The following LIMD1 variants were observed in gnomAD, a reference collection of about 807,000 sequenced individuals.
The protein encoded by LIMD1 is LIM domain containing 1.
Under a neutral mutation model 58.4 loss-of-function variants are expected in LIMD1, and 23 were observed. That is an observed-to-expected ratio of 0.39 (90% CI 0.28 to 0.56). The LOEUF is 0.56. Ranked by LOEUF, LIMD1 falls within the 20% of genes least tolerant of loss-of-function variation. LIMD1 has a pLI of 0.57. For missense variants in LIMD1, 838 were observed against 855.5 expected (o/e 0.98, Z 0.25); for synonymous variants, 334 against 345.5 (o/e 0.97, Z 0.37).
Position 45,686,266 on chromosome 3 carries a change from C to T in LIMD1, c.*9207C>T, listed in dbSNP as rs974531543. 1 of 151,826 alleles carries T rather than the reference C, an allele frequency of 6.6e-6. No individual in the cohort carries two copies. Among genetic ancestry groups the T allele is most frequent in the African/African-American group, 2.4e-5 (1 of 41,270 alleles). 9.4% of individuals were successfully genotyped at this position (151,826 alleles called of 1,614,324 possible). A position where few individuals can be genotyped will look rare whatever the true frequency, so the allele number is the denominator to read the frequency against. On this transcript the variant is annotated 3_prime_UTR_variant, in exon 8 of 8. Transcript: ENST00000273317. ...GTATAAAAGAAAATCTAGCCCTTTC[C>T]TCAGGGCTGAGAAAATTTTGAGTGT...
chr3:45,613,204 G>C (rs1701543260), intron 1 of LIMD1, among the ~76,000 whole-genome samples: 1 of 152,208 alleles, frequency 6.6e-6, no homozygotes, highest in Non-Finnish European at 1.5e-5. Flanking sequence ...TGTTGGCTGA[G>C]GGTTCGATGT....
rs1697755816 is a variant in LIMD1, at chr3:45,682,365, C to A, written c.*5306C>A. ...CTTGATATGGAGTGTTTGCTGATAC[C>A]TATGATGTAAATATTCCCGCCATGG... On this transcript the variant is annotated 3_prime_UTR_variant, in exon 8 of 8. Coordinates refer to ENST00000273317, the MANE Select transcript of LIMD1 (RefSeq NM_014240.3). 2.0e-5 allele frequency: 3 copies of A among 152,202 alleles called. No homozygotes were observed. The highest frequency in any genetic ancestry group is 4.4e-5 in the Non-Finnish European group (3 of 68,044). 9.4% of individuals were successfully genotyped at this position (152,202 alleles called of 1,614,324 possible). A position where few individuals can be genotyped will look rare whatever the true frequency, so the allele number is the denominator to read the frequency against.
intron 1 of LIMD1, among the ~76,000 whole-genome samples, chr3:45,610,177 C>G (rs977711640): frequency 6.6e-6 from 1 of 152,168 alleles, no homozygotes; most frequent in Non-Finnish European, 1.5e-5. Context: ...GAGCAAGGCT[C>G]TGTCTCAAGA....
intron 1 of LIMD1, among the ~76,000 whole-genome samples, chr3:45,602,799 G>A (rs9828739): frequency 0.03 from 4,520 of 151,560 alleles, 214 homozygotes; most frequent in African/African-American, 0.1. Flanking sequence ...CCATCTGACA[G>A]TCTGTTGCAC....
chr3:45,620,198 A>G (rs1429913253), intron 1 of LIMD1, among the ~76,000 whole-genome samples: 1 of 152,286 alleles, frequency 6.6e-6, no homozygotes, highest in African/African-American at 2.4e-5. Flanking sequence ...ATCCTGGGAA[A>G]CATGCATGAT....
rs187960217 is a variant in LIMD1, at chr3:45,647,968, C to T, written c.1510+11717C>T. On this transcript the variant is annotated intron_variant, in intron 2 of 7. Coordinates refer to ENST00000273317, the MANE Select transcript of LIMD1 (RefSeq NM_014240.3). Reference sequence around the variant, plus strand: ...ACTCTCCCTTCAGTGTCTTCCATTGCCATCTCCATTGCTACTCTCCTGATC... The same window carrying T: ...ACTCTCCCTTCAGTGTCTTCCATTGTCATCTCCATTGCTACTCTCCTGATC... Among the ~76,000 whole-genome samples, 35 of 152,258 alleles carry T rather than the reference C, an allele frequency of 2.3e-4. 1 individual carries two copies. Among genetic ancestry groups the T allele is most frequent in the Admixed American group, 2.2e-3 (33 of 15,284 alleles).
intron 1 of LIMD1, among the ~76,000 whole-genome samples, chr3:45,599,234 C>G (rs539592097): frequency 1.3e-5 from 2 of 152,032 alleles, no homozygotes; most frequent in East Asian, 1.9e-4. Flanking sequence ...TTAATACATT[C>G]ACAACGTTGT....
rs946959928 is a variant in LIMD1 at position 45,678,839 on chromosome 3, A to G, written c.*1780A>G. On this transcript the variant is annotated 3_prime_UTR_variant, in exon 8 of 8. Transcript: ENST00000273317. ...ATTGGTGCCATGGATTATCTTTTCCATGTTGATGGAATTCATTCTGTTGGA... is the reference window on the plus strand; with the variant it reads ...ATTGGTGCCATGGATTATCTTTTCCGTGTTGATGGAATTCATTCTGTTGGA... 1 of 152,168 alleles carries G rather than the reference A, an allele frequency of 6.6e-6. No homozygotes were observed. The allele number at this position is 152,168 out of a possible 1,614,324, so 9.4% of individuals were successfully genotyped here.
At chr3:45,653,409 A>C (rs1207447162) in intron 2 of LIMD1, among the ~76,000 whole-genome samples, 1 of 152,162 alleles carries the variant, frequency 6.6e-6, no homozygotes, top group African/African-American at 2.4e-5. Context: ...GGGAACCTGA[A>C]GGGTTTGGGT....
Position 45,673,384 on chromosome 3 carries a change from C to G in LIMD1, c.1773-70C>G, listed in dbSNP as rs1184579386. 11 of 1,262,840 alleles carry G rather than the reference C, an allele frequency of 8.7e-6. No individual in the cohort carries two copies. The East Asian group carries it at 2.5e-4, about 29-fold the overall frequency. 78.2% of individuals were successfully genotyped at this position (1,262,840 alleles called of 1,614,324 possible). ...ATGGAGGAAGGCTCCATGTGGATTC[C>G]AAGTGCAAGTCTGACTCTGGAATTT... On this transcript the variant is annotated intron_variant, in intron 5 of 7. Transcript: ENST00000273317.
chr3:45,673,648 C>G (rs1418203745), intron 6 of LIMD1, 143 bp downstream of exon 6: 14 of 736,428 alleles, frequency 1.9e-5, no homozygotes, highest in Non-Finnish European at 2.8e-5. Flanking sequence ...TGCAGTGGCT[C>G]ACGCCTGTAA....
At chr3:45,638,826 A>G (rs1337484302) in intron 2 of LIMD1, among the ~76,000 whole-genome samples, 1 of 152,146 alleles carries the variant, frequency 6.6e-6, no homozygotes, top group Non-Finnish European at 1.5e-5. Context: ...TGACTTTTTA[A>G]TAATGGCCAT....
chr3:45,631,261 T>G lies in LIMD1; in HGVS notation c.1409-4889T>G, dbSNP rs189871313. On this transcript the variant is annotated intron_variant, in intron 1 of 7. Coordinates refer to ENST00000273317, the MANE Select transcript of LIMD1 (RefSeq NM_014240.3). ...AAAAATATCTGTGAGTCCATACTGA[T>G]ATACTGCACTCCAGCCTGGCGACAG... 7.3e-4 allele frequency among the ~76,000 whole-genome samples: 110 copies of G among 151,502 alleles called. 2 individuals carry two copies. The highest frequency in any genetic ancestry group is 2.5e-3 in the African/African-American group (104 of 41,208).
intron 1 of LIMD1, among the ~76,000 whole-genome samples, chr3:45,599,561 G>A (rs1205699488): frequency 6.6e-6 from 1 of 152,230 alleles, no homozygotes; most frequent in Non-Finnish European, 1.5e-5. Context: ...CCCCAGTGGT[G>A]GCATGCTGTT....
At chr3:45,619,940 G>C (rs2125653705) in intron 1 of LIMD1, among the ~76,000 whole-genome samples, 1 of 147,070 alleles carries the variant, frequency 6.8e-6, no homozygotes, top group South Asian at 2.1e-4. Flanking sequence ...CCTTATTTGA[G>C]AGATCAGAGA....
rs995769939 is a variant in LIMD1, at chr3:45,682,815, C to G, written c.*5756C>G. On this transcript the variant is annotated 3_prime_UTR_variant, in exon 8 of 8. Transcript: ENST00000273317. ...AGCCACAGGAGGCTGTGAGGAGAAG[C>G]TCACTGCTGCTCTGTTGAAGTCTGT... 1.3e-5 allele frequency: 2 copies of G among 152,264 alleles called. No individual in the cohort carries two copies. The highest frequency in any genetic ancestry group is 4.8e-5 in the African/African-American group (2 of 41,458). The allele number at this position is 152,264 out of a possible 1,614,324, so 9.4% of individuals were successfully genotyped here. A position where few individuals can be genotyped will look rare whatever the true frequency, so the allele number is the denominator to read the frequency against.
intron 2 of LIMD1, among the ~76,000 whole-genome samples, chr3:45,663,254 C>T (rs1415938905): frequency 1.3e-5 from 2 of 152,166 alleles, no homozygotes; most frequent in East Asian, 1.9e-4. Flanking sequence ...TCCATAACAA[C>T]GTTGCCGTGA....
At chr3:45,654,720 G>T in intron 2 of LIMD1, among the ~76,000 whole-genome samples, 1 of 148,050 alleles carries the variant, frequency 6.8e-6, no homozygotes, top group South Asian at 2.1e-4. Context: ...TGTGTTCCCA[G>T]CTACTCAAGG....
At chr3:45,658,532 A>ATGCTTTTTTTTTTTTTT (rs1553646072) in intron 2 of LIMD1, among the ~76,000 whole-genome samples, 1 of 72,138 alleles carries the variant, frequency 1.4e-5, no homozygotes, top group Non-Finnish European at 3.0e-5. Context: ...CACCATGCAG[A>ATGCTTTTTTTTTTTTTT]TTCTTTTTTT....
Sources: gnomAD v4.1 joint callset for allele counts (sites outside exome capture counted in the v4.1 genomes callset) on GRCh38, gnomAD v4.1.1 for gene constraint, MANE v1.5 for transcripts, NCBI Gene and HGNC (gene_info 2026-07-23, HGNC 2026-07-21) for gene names.